The following NLGN4X variants were observed in gnomAD, a reference collection of about 807,000 sequenced individuals.
NLGN4X encodes the protein neuroligin-4, X-linked.
A neutral mutation model predicts 40.3 loss-of-function variants in NLGN4X; 3 were observed. The observed-to-expected ratio is 0.07, with a 90% confidence interval of 0.03 to 0.19. NLGN4X has a LOEUF of 0.19. Among genes scored for constraint, NLGN4X ranks in the 10% least tolerant of loss-of-function variants. The pLI is 1.00. For missense variants in NLGN4X, 382 were observed against 708.3 expected, an observed-to-expected ratio of 0.54 and a Z score of 5.23; for synonymous variants, 270 against 306.8, an observed-to-expected ratio of 0.88 and a Z score of 1.25.
intron 3 of NLGN4X, among the ~76,000 whole-genome samples, chrX:6,027,795 A>C (rs1357880464): frequency 9.3e-6 from 1 of 107,428 alleles, no homozygotes; most frequent in Non-Finnish European, 1.9e-5. Flanking sequence ...TTTTTATTTT[A>C]ATTAATTTAT....
chrX:6,083,964 A>C (rs1312387003), intron 2 of NLGN4X, among the ~76,000 whole-genome samples: 1 of 112,345 alleles, frequency 8.9e-6, no homozygotes, highest in Non-Finnish European at 1.9e-5. Context: ...TGAAGATAAG[A>C]AGATGCAATG....
At chrX:6,135,733 G>A (rs1356619662) in intron 2 of NLGN4X, among the ~76,000 whole-genome samples, 2 of 111,584 alleles carry the variant, frequency 1.8e-5, no homozygotes, top group Non-Finnish European at 3.8e-5. Context: ...AGAAAAGGAT[G>A]ACATACTAGG....
chrX:6,049,918 T>C (rs763413875), intron 2 of NLGN4X, among the ~76,000 whole-genome samples: 2 of 111,784 alleles, frequency 1.8e-5, no homozygotes, highest in South Asian at 3.8e-4. Context: ...ATAGAAACTG[T>C]TGCCTTCCTC....
rs1244020681 is a variant in NLGN4X at position 5,912,686 on chromosome X, C to G, written c.626-3447G>C. Reference sequence around the variant, plus strand: ...TTGAAAATAAAAAGACCTGTTTTCCCAAGTCGCCTGATCTGTGAAAATTAG... The same window carrying G: ...TTGAAAATAAAAAGACCTGTTTTCCGAAGTCGCCTGATCTGTGAAAATTAG... On this transcript the variant is annotated intron_variant, in intron 3 of 5. Transcript: ENST00000381095. Among the ~76,000 whole-genome samples the G allele has an allele frequency of 5.6e-5, 6 of 107,721 alleles. No individual in the cohort carries two copies. In the South Asian group the frequency reaches 2.1e-3, roughly 38 times the overall value. The allele number at this position is 107,721 out of a possible 115,157, so 93.5% of individuals were successfully genotyped here. A position where few individuals can be genotyped will look rare whatever the true frequency, so the allele number is the denominator to read the frequency against.
chrX:6,131,051 C>T (rs1056346278), intron 2 of NLGN4X, among the ~76,000 whole-genome samples: 5 of 111,420 alleles, frequency 4.5e-5, no homozygotes, highest in Admixed American at 9.6e-5. Flanking sequence ...GATGAAAAGA[C>T]GATCTTTTAT....
intron 3 of NLGN4X, among the ~76,000 whole-genome samples, chrX:5,929,933 C>G (rs2033487991): frequency 8.9e-6 from 1 of 112,027 alleles, no homozygotes; most frequent in South Asian, 3.7e-4. Context: ...TGGGAAAAAA[C>G]TGGGGAGAAC....
chrX:5,944,977 A>G (rs1202123921), intron 3 of NLGN4X, among the ~76,000 whole-genome samples: 1 of 112,130 alleles, frequency 8.9e-6, no homozygotes, highest in Non-Finnish European at 1.9e-5. Context: ...AAAATGAAAG[A>G]AAAAGGTAGA....
chrX:5,960,351 A>G (rs936806822), intron 3 of NLGN4X, among the ~76,000 whole-genome samples: 26 of 110,953 alleles, frequency 2.3e-4, no homozygotes, highest in African/African-American at 8.5e-4. Context: ...TTGTAATTCA[A>G]GAAAGAGCTG....
chrX:6,057,812 G>C (rs1210009743), intron 2 of NLGN4X, among the ~76,000 whole-genome samples: 1 of 111,469 alleles, frequency 9.0e-6, no homozygotes, highest in Non-Finnish European at 1.9e-5. Flanking sequence ...AGAAGCCCTT[G>C]CTCCCAAATT....
At chrX:6,202,516 T>G (rs1201411458) in intron 1 of NLGN4X, among the ~76,000 whole-genome samples, 2 of 108,869 alleles carry the variant, frequency 1.8e-5, no homozygotes, top group Non-Finnish European at 3.8e-5. Context: ...TTTTGTACTT[T>G]GTGTAGAGAT....
chrX:6,118,456 G>A (rs909488275), intron 2 of NLGN4X, among the ~76,000 whole-genome samples: 2 of 111,371 alleles, frequency 1.8e-5, no homozygotes, highest in Admixed American at 9.6e-5. Flanking sequence ...TTCCAGTTAC[G>A]GCGGCCAAAG....
At chrX:6,156,281 A>T (rs1389770974) in intron 1 of NLGN4X, among the ~76,000 whole-genome samples, 1 of 110,978 alleles carries the variant, frequency 9.0e-6, no homozygotes, top group African/African-American at 3.3e-5. Flanking sequence ...AGGCCGAGGC[A>T]GGTGGATCAC....
intron 3 of NLGN4X, among the ~76,000 whole-genome samples, chrX:5,920,322 T>TG (rs1211091864): frequency 8.9e-6 from 1 of 111,931 alleles, no homozygotes; most frequent in Non-Finnish European, 1.9e-5. Context: ...AGTAAAATGT[T>TG]GGAATTTATT....
chrX:6,020,778 CT>C (rs1413681157), intron 3 of NLGN4X, among the ~76,000 whole-genome samples: 3 of 109,885 alleles, frequency 2.7e-5, no homozygotes, highest in Non-Finnish European at 5.7e-5. Context: ...AAAAAAAATT[CT>C]TTTCTACCTT....
intron 3 of NLGN4X, among the ~76,000 whole-genome samples, chrX:5,981,805 T>C (rs1179837701): frequency 1.8e-5 from 2 of 110,997 alleles, no homozygotes; most frequent in Non-Finnish European, 3.8e-5. Flanking sequence ...GCCAATTACA[T>C]ACATTGTGTC....
At chrX:5,911,046 T>C in intron 3 of NLGN4X, among the ~76,000 whole-genome samples, 1 of 111,807 alleles carries the variant, frequency 8.9e-6, no homozygotes, top group Admixed American at 9.5e-5. Context: ...CGATCGTTCA[T>C]AAAAGGCATC....
intron 1 of NLGN4X, among the ~76,000 whole-genome samples, chrX:6,194,948 A>G (rs947022409): frequency 3.6e-5 from 4 of 111,201 alleles, no homozygotes; most frequent in African/African-American, 1.3e-4. Context: ...TCCTCATCCA[A>G]ACAATTCTAA....
chrX:6,098,723 C>T (rs1602227258), intron 2 of NLGN4X, among the ~76,000 whole-genome samples: 2 of 111,496 alleles, frequency 1.8e-5, no homozygotes, highest in Admixed American at 9.5e-5. Flanking sequence ...TGGGCTCCTT[C>T]GAGCCCTGGA....
intron 2 of NLGN4X, among the ~76,000 whole-genome samples, chrX:6,068,781 T>C (rs1240716932): frequency 9.0e-6 from 1 of 111,344 alleles, no homozygotes; most frequent in Non-Finnish European, 1.9e-5. Context: ...GATCCACTCA[T>C]TTTTCTAATT....
Sources: gnomAD v4.1 joint callset for allele counts (sites outside exome capture counted in the v4.1 genomes callset) on GRCh38, gnomAD v4.1.1 for gene constraint, MANE v1.5 for transcripts, NCBI Gene and HGNC (gene_info 2026-07-23, HGNC 2026-07-21) for gene names.